The following TNRC6B variants were observed in gnomAD, a reference collection of about 807,000 sequenced individuals.
The protein encoded by TNRC6B is trinucleotide repeat-containing gene 6B protein.
In TNRC6B, 52 loss-of-function variants were observed where a neutral mutation model predicts 203.6. The observed-to-expected ratio is 0.26, with a 90% CI of 0.20 to 0.32. TNRC6B has a LOEUF of 0.32. Among genes scored for constraint, TNRC6B ranks in the 10% least tolerant of loss-of-function variants. The pLI is 1.00. For synonymous variants in TNRC6B, 838 were observed against 845.7 expected (o/e 0.99, Z 0.16); for missense variants, 1,923 against 2,286.2 (o/e 0.84, Z 3.24).
Position 40,333,644 on chromosome 22 carries a change from C to T in TNRC6B, c.*10403C>T, listed in dbSNP as rs1418813806. On this transcript the variant is annotated 3_prime_UTR_variant, in exon 23 of 23. Transcript: ENST00000454349. ...TCCATAGCCTTGTCACTTTGTTATG[C>T]TCTGGAAATGTACTGATTTCTTACT... 6.6e-6 allele frequency: 1 copy of T among 152,588 alleles called. No individual in the cohort carries two copies. The highest frequency in any genetic ancestry group is 2.4e-5 in the African/African-American group (1 of 41,430). 9.5% of individuals were successfully genotyped at this position (152,588 alleles called of 1,614,324 possible).
At position 40,327,996 on chromosome 22, in the gene TNRC6B, CCAGA is replaced by C. The variant is rs1229529898; in HGVS notation, c.*4760_*4763del. 2.0e-5 allele frequency: 3 copies of C among 152,120 alleles called. No individual in the cohort carries two copies. In the East Asian group the frequency reaches 5.8e-4, roughly 29 times the overall value. The allele number at this position is 152,120 out of a possible 1,614,324, so 9.4% of individuals were successfully genotyped here. On this transcript the variant is annotated 3_prime_UTR_variant, in exon 23 of 23. Coordinates refer to ENST00000454349, the MANE Select transcript of TNRC6B (RefSeq NM_001162501.2). ...CTAATAGAGAAAGGGGTGTCTCACA[CCAGA>C]CAGAGGACCTCTGCTGTCAATTAGA... is the stretch of plus-strand genomic sequence containing the variant.
chr22:40,218,324 CTTTTTTTTTTTT>C (rs71199275), intron 1 of TNRC6B, among the ~76,000 whole-genome samples: 1 of 97,460 alleles, frequency 1.0e-5, no homozygotes, highest in Non-Finnish European at 2.0e-5. Context: ...TTTTTCTTTT[CTTTTTTTTTTTT>C]TTTTTTTTGA....
Position 40,107,035 on chromosome 22 carries a change from CCTT to C in TNRC6B, c.-120-10007_-120-10005del, listed in dbSNP as rs746904053. 2.9e-4 allele frequency: 290 copies of C among 995,002 alleles called. 1 individual carries two copies. Among genetic ancestry groups the C allele is most frequent in the Middle Eastern group, 6.4e-4 (2 of 3,144 alleles). The allele number at this position is 995,002 out of a possible 1,614,324, so 61.6% of individuals were successfully genotyped here. A position where few individuals can be genotyped will look rare whatever the true frequency, so the allele number is the denominator to read the frequency against. On this transcript the variant is annotated intron_variant, in intron 1 of 23. Transcript: ENST00000301923. ...TTAAGGATTTCTGGCACAGCAGGAACCTTCTTCTTCTTCTTTTCTACACCCTCC... is the reference window on the plus strand; with the variant it reads ...TTAAGGATTTCTGGCACAGCAGGAACCTTCTTCTTCTTTTCTACACCCTCC...
chr22:40,149,590 A>G (rs539605501), intron 3 of TNRC6B, among the ~76,000 whole-genome samples: 211 of 148,846 alleles, frequency 1.4e-3, no homozygotes, highest in African/African-American at 5.0e-3. Context: ...GAATCTCTTG[A>G]ACCCAGGAGG....
intron 1 of TNRC6B, among the ~76,000 whole-genome samples, chr22:40,202,261 T>TTTTTGTTTTTTTGG (rs1491575205): frequency 3.9e-5 from 4 of 102,046 alleles, no homozygotes; most frequent in African/African-American, 1.4e-4. Flanking sequence ...TGTTTTTTTG[T>TTTTTGTTTTTTTGG]TTTTTTTTTT....
intron 3 of TNRC6B, among the ~76,000 whole-genome samples, chr22:40,146,880 A>G (rs1207595347): frequency 3.9e-5 from 6 of 152,206 alleles, no homozygotes; most frequent in Non-Finnish European, 8.8e-5. Flanking sequence ...ACGTTTTCTA[A>G]GTCAAAGGAA....
In TNRC6B at chr22:40,266,019, C is replaced by T; in HGVS notation, c.1789C>T (p.His597Tyr). Residue 597 changes from histidine (H) to tyrosine (Y), a missense_variant, in exon 5 of 23, where the codon CAT (histidine) becomes TAT (tyrosine). Physicochemically the swap from His to Tyr is moderately conservative, Grantham distance 83 (BLOSUM62 2). Around this residue, in one of 8 missense-constraint regions of TNRC6B, gnomAD observed 614 missense variants for 587.7 expected, o/e 1.04. Coordinates refer to ENST00000454349, the MANE Select transcript of TNRC6B (RefSeq NM_001162501.2). ...NSGRRSYRPT[H>Y]PDCQAVLQTL... ...TGGCCGTCGGTCGTACAGGCCCACA[C>T]ATCCTGATTGTCAGGCTGTCTTGCA... 1 of 1,613,820 alleles carries T rather than the reference C, an allele frequency of 6.2e-7. No individual in the cohort carries two copies. Among genetic ancestry groups the T allele is most frequent in the Non-Finnish European group, 8.5e-7 (1 of 1,179,910 alleles).
intron 3 of TNRC6B, among the ~76,000 whole-genome samples, chr22:40,139,560 G>T (rs2068628440): frequency 6.6e-6 from 1 of 152,148 alleles, no homozygotes; most frequent in South Asian, 2.1e-4. Flanking sequence ...TCGAACTCCT[G>T]ACATCAGGTG....
At chr22:40,276,631 G>A (rs2070648507) in intron 7 of TNRC6B, among the ~76,000 whole-genome samples, 1 of 152,198 alleles carries the variant, frequency 6.6e-6, no homozygotes, top group African/African-American at 2.4e-5. Context: ...AACAGAGGAA[G>A]CACTATGAGT....
rs939968652 is a variant in TNRC6B, at chr22:40,249,251, G to A, written c.94-1928G>A. ...GTAACTAGGGCAGTGCCTGGTGCAG[G>A]ATAATCACTCAGAAATTGTTTAATA... On this transcript the variant is annotated intron_variant, in intron 2 of 22. Transcript: ENST00000454349. 3.9e-5 allele frequency among the ~76,000 whole-genome samples: 6 copies of A among 152,166 alleles called. No individual in the cohort carries two copies. In the South Asian group the frequency reaches 1.2e-3, roughly 32 times the overall value.
At chr22:40,150,265 C>G (rs920369825) in intron 3 of TNRC6B, among the ~76,000 whole-genome samples, 1 of 152,144 alleles carries the variant, frequency 6.6e-6, no homozygotes, top group Non-Finnish European at 1.5e-5. Context: ...GTAGTCCCAG[C>G]TACTTGGGAG....
At chr22:40,189,926 A>G (rs1302185764) in intron 1 of TNRC6B, among the ~76,000 whole-genome samples, 1 of 152,240 alleles carries the variant, frequency 6.6e-6, no homozygotes, top group Admixed American at 6.5e-5. Flanking sequence ...ACAAAAAAGT[A>G]GAATGAACAG....
intron 1 of TNRC6B, among the ~76,000 whole-genome samples, chr22:40,063,496 A>T (rs1010350218): frequency 6.6e-6 from 1 of 152,234 alleles, no homozygotes; most frequent in African/African-American, 2.4e-5. Context: ...GAACTTACAG[A>T]TCAATTTGGC....
chr22:40,155,709 T>C (rs1197072990), intron 3 of TNRC6B, among the ~76,000 whole-genome samples: 1 of 152,020 alleles, frequency 6.6e-6, no homozygotes, highest in Non-Finnish European at 1.5e-5. Context: ...TTAGCCAACC[T>C]AGTAGTTGTG....
chr22:40,142,282 G>A (rs531302851), intron 3 of TNRC6B, among the ~76,000 whole-genome samples: 1 of 149,278 alleles, frequency 6.7e-6, no homozygotes, highest in African/African-American at 2.5e-5. Context: ...GGCTGGTCTC[G>A]AACTCCTGGC....
chr22:40,133,192 G>A (rs904001645), intron 3 of TNRC6B, among the ~76,000 whole-genome samples: 9 of 151,562 alleles, frequency 5.9e-5, no homozygotes, highest in African/African-American at 1.5e-4. Context: ...GTCTGGTTTC[G>A]CTGTCACATA....
intron 2 of TNRC6B, among the ~76,000 whole-genome samples, chr22:40,120,544 A>G (rs1174495758): frequency 6.6e-6 from 1 of 152,168 alleles, no homozygotes; most frequent in Non-Finnish European, 1.5e-5. Context: ...TGAAAAGCTT[A>G]GGAAGTAAAA....
intron 15 of TNRC6B, among the ~76,000 whole-genome samples, chr22:40,305,659 C>A (rs906860738): frequency 6.6e-6 from 1 of 152,104 alleles, no homozygotes; most frequent in Non-Finnish European, 1.5e-5. Flanking sequence ...GTAGATTGAA[C>A]CTTTCAAGGC....
chr22:40,184,613 G>A (rs1441218678), intron 1 of TNRC6B, among the ~76,000 whole-genome samples: 1 of 152,192 alleles, frequency 6.6e-6, no homozygotes, highest in Admixed American at 6.5e-5. Flanking sequence ...GTGGAAACTG[G>A]CTGGGACATT....
Sources: gnomAD v4.1 joint callset for allele counts (sites outside exome capture counted in the v4.1 genomes callset) on GRCh38, gnomAD v4.1.1 for gene constraint, gnomAD v4.1.1 regional missense constraint, MANE v1.5 for transcripts, NCBI Gene and HGNC (gene_info 2026-07-23, HGNC 2026-07-21) for gene names.